CLECL1: variants seen among roughly 807,000 people sequenced by gnomAD.
CLECL1 encodes the protein C-type lectin-like domain family 1.
chr12:9,719,861 A>T (rs1283937027), downstream of CLECL1, among the ~76,000 whole-genome samples: 1 of 152,252 alleles, frequency 6.6e-6, no homozygotes, highest in Non-Finnish European at 1.5e-5. Context: ...TTTGTTTGCC[A>T]GAAAAATGTC....
At chr12:9,717,677 TAAA>T (rs1000348866), downstream of CLECL1, among the ~76,000 whole-genome samples, 10 of 152,218 alleles carry the variant, frequency 6.6e-5, no homozygotes, top group African/African-American at 2.4e-4. Flanking sequence ...TGTACTATGT[TAAA>T]AACAATCAGT....
intron 1 of CLECL1, among the ~76,000 whole-genome samples, chr12:9,732,056 G>GT (rs1345405105): frequency 6.6e-6 from 1 of 152,034 alleles, no homozygotes; most frequent in African/African-American, 2.4e-5. Flanking sequence ...AAATAGAGAG[G>GT]TAAGGTTTAA....
chr12:9,727,294 T>TA (rs1866391451), intron 3 of CLECL1, among the ~76,000 whole-genome samples: 2 of 151,860 alleles, frequency 1.3e-5, no homozygotes, highest in African/African-American at 2.4e-5. Context: ...CATACCCCAA[T>TA]AAAAAACAAA....
chr12:9,706,624 T>G, the CLECL1 span, among the ~76,000 whole-genome samples: 7 of 152,226 alleles, frequency 4.6e-5, no homozygotes, highest in Admixed American at 4.6e-4. Flanking sequence ...ATGTGGTTTT[T>G]GTCTTTAGTT....
chr12:9,721,059 T>C (rs866562569), downstream of CLECL1, among the ~76,000 whole-genome samples: 5 of 152,222 alleles, frequency 3.3e-5, no homozygotes, highest in Non-Finnish European at 1.5e-5. Context: ...CAGCATTTCT[T>C]TGAGATATCT....
At position 9,730,048 on chromosome 12, in the gene CLECL1, T is replaced by C. The variant is rs898517512; in HGVS notation, n.83-372A>G. On this transcript the variant is annotated intron_variant and non_coding_transcript_variant, in intron 1 of 3. Coordinates refer to ENST00000621400, the Ensembl canonical transcript of CLECL1. ...CTTTTCTGTTTCTCCTCTTATATAA[T>C]GTATCCATTTCCTGTGATATAGCAT... 1.3e-5 allele frequency among the ~76,000 whole-genome samples: 2 copies of C among 152,180 alleles called. 1 individual carries two copies. Among genetic ancestry groups the C allele is most frequent in the Admixed American group, 1.3e-4 (2 of 15,282 alleles).
upstream of CLECL1, chr12:9,733,072 C>T (rs1465585441): frequency 2.5e-6 from 4 of 1,613,690 alleles, no homozygotes; most frequent in South Asian, 4.4e-5. Context: ...AATGATGTCC[C>T]ACTGAAGGGA....
chr12:9,715,323 CCTTTT>C (rs1168089958), downstream of CLECL1, among the ~76,000 whole-genome samples: 7 of 152,258 alleles, frequency 4.6e-5, no homozygotes, highest in East Asian at 1.3e-3. Context: ...TTTGGGGACC[CCTTTT>C]CTTCTGTTCT....
downstream of CLECL1, among the ~76,000 whole-genome samples, chr12:9,720,201 T>C (rs1187793206): frequency 6.6e-6 from 1 of 152,152 alleles, no homozygotes; most frequent in Non-Finnish European, 1.5e-5. Context: ...TTCTCCCACC[T>C]GCAACGATGT....
At chr12:9,727,535 C>T (rs746996623) in intron 3 of CLECL1, among the ~76,000 whole-genome samples, 39 of 151,848 alleles carry the variant, frequency 2.6e-4, no homozygotes, top group African/African-American at 9.2e-4. Context: ...CTTGGTTACT[C>T]AGGAATTTGG....
chr12:9,711,742 CT>C (rs1866202556), downstream of CLECL1, among the ~76,000 whole-genome samples: 1 of 152,022 alleles, frequency 6.6e-6, no homozygotes, highest in African/African-American at 2.4e-5. Context: ...TGTACCTCTT[CT>C]TATCTGTGCT....
At chr12:9,729,093 A>T (rs2192434) in intron 2 of CLECL1, among the ~76,000 whole-genome samples, 136,858 of 151,940 alleles carry the variant, frequency 0.9, 61,681 homozygotes, top group East Asian at 0.97. Flanking sequence ...GCCATATGAA[A>T]AATTGGACTA....
the CLECL1 span, among the ~76,000 whole-genome samples, chr12:9,702,361 C>T: frequency 7.8e-4 from 119 of 152,244 alleles, no homozygotes; most frequent in East Asian, 2.7e-3. Flanking sequence ...CTCTGACATC[C>T]GGCTGCTTCT....
the CLECL1 span, among the ~76,000 whole-genome samples, chr12:9,707,362 A>G: frequency 6.6e-6 from 1 of 152,232 alleles, no homozygotes; most frequent in Admixed American, 6.5e-5. Context: ...AAAATTACAT[A>G]GTAATTTTAT....
chr12:9,704,240 C>G, the CLECL1 span: 1 of 152,058 alleles, frequency 6.6e-6, no homozygotes, highest in Non-Finnish European at 1.5e-5. Flanking sequence ...ACAAGGAGAA[C>G]TTCCAATAAA....
At chr12:9,718,714 C>T (rs1190821038), downstream of CLECL1, 1 of 700,800 alleles carries the variant, frequency 1.4e-6, no homozygotes, top group African/African-American at 1.8e-5. Context: ...TACACAGAGA[C>T]ATCAGAGATG....
At chr12:9,702,199 T>G in the CLECL1 span, among the ~76,000 whole-genome samples, 1 of 152,052 alleles carries the variant, frequency 6.6e-6, no homozygotes, top group Non-Finnish European at 1.5e-5. Flanking sequence ...GTAGTGAATG[T>G]GGAGGATTTT....
downstream of CLECL1, chr12:9,722,372 T>C (rs1288387130): frequency 2.0e-5 from 8 of 409,490 alleles, no homozygotes; most frequent in Non-Finnish European, 3.2e-5. Flanking sequence ...ACTCAATTTC[T>C]TAAGTTTTAA....
downstream of CLECL1, among the ~76,000 whole-genome samples, chr12:9,719,249 G>A (rs11052678): frequency 0.01 from 1,547 of 152,278 alleles, 26 homozygotes; most frequent in African/African-American, 0.035. Flanking sequence ...AGCCTAGGCT[G>A]GGCGTGTTGG....
Sources: gnomAD v4.1 joint callset for allele counts (sites outside exome capture counted in the v4.1 genomes callset) on GRCh38, gnomAD v4.1.1 for gene constraint, MANE v1.5 for transcripts, NCBI Gene and HGNC (gene_info 2026-07-23, HGNC 2026-07-21) for gene names.